Variants in MXRA7 observed in about 807,000 individuals in gnomAD.
MXRA7 encodes the protein matrix remodeling associated 7, also known as matrix-remodeling-associated protein 7.
In MXRA7, 18 loss-of-function variants were observed where a neutral mutation model predicts 17.4. The observed-to-expected ratio is 1.03, with a 90% CI of 0.71 to 1.53. MXRA7 has a LOEUF of 1.53. Among genes scored for constraint, MXRA7 ranks in the 40% most tolerant of loss-of-function variants. The probability of loss-of-function intolerance (pLI) is 0.00; values close to 1 mark genes in which losing one functional copy is unlikely to be tolerated. For synonymous variants in MXRA7, 70 were observed against 101.7 expected, an observed-to-expected ratio of 0.69 and a Z score of 1.87; for missense variants, 141 against 209.3, an observed-to-expected ratio of 0.67 and a Z score of 2.01.
chr17:76,703,076 C>T (rs899657594), intron 1 of MXRA7, among the ~76,000 whole-genome samples: 4 of 151,544 alleles, frequency 2.6e-5, no homozygotes, highest in Admixed American at 1.3e-4. Context: ...TGCACCACTG[C>T]ACTGCAGCTT....
At chr17:76,707,814 G>C (rs913897835) in intron 1 of MXRA7, among the ~76,000 whole-genome samples, 2 of 152,164 alleles carry the variant, frequency 1.3e-5, no homozygotes, top group African/African-American at 2.4e-5. Flanking sequence ...CTACACAGGA[G>C]CACCAAGAAA....
chr17:76,683,075 T>A (rs1030129712), intron 3 of MXRA7, among the ~76,000 whole-genome samples: 1 of 152,136 alleles, frequency 6.6e-6, no homozygotes, highest in Non-Finnish European at 1.5e-5. Context: ...GGAGGCCTGG[T>A]CTTTCTTGTT....
At position 76,692,259 on chromosome 17, in the gene MXRA7, C is replaced by CTT. The variant is rs569237354; in HGVS notation, c.343-4085_343-4084dup. Reference sequence around the variant, plus strand: ...CTTGACTTTGGAAGTCTGATTTTTTCTTTTTTTTTTTTTGAGACAGTTTCA... The same window carrying CTT: ...CTTGACTTTGGAAGTCTGATTTTTTCTTTTTTTTTTTTTTTGAGACAGTTTCA... On this transcript the variant is annotated intron_variant, in intron 1 of 3. Coordinates refer to ENST00000449428, the MANE Select transcript of MXRA7 (RefSeq NM_198530.4). Among the ~76,000 whole-genome samples the CTT allele has an allele frequency of 4.2e-3, 600 of 141,276 alleles. 5 individuals carry two copies. The highest frequency in any genetic ancestry group is 0.015 in the African/African-American group (578 of 38,822). The allele number at this position is 141,276 out of a possible 152,430, so 92.7% of individuals were successfully genotyped here.
chr17:76,707,598 C>G (rs1337681062), intron 1 of MXRA7, among the ~76,000 whole-genome samples: 1 of 152,160 alleles, frequency 6.6e-6, no homozygotes, highest in Non-Finnish European at 1.5e-5. Flanking sequence ...GCCATCGCGC[C>G]CGGGCTCTAG....
Position 76,685,137 on chromosome 17 carries a change from G to A in MXRA7, c.435C>T (p.Pro145=), listed in dbSNP as rs750445733. The change falls in exon 3 of 4, where the codon CCC becomes CCT. Residue 145 remains proline (P), a synonymous_variant. Transcript: ENST00000449428. ...DGEGFSFKYS[P]GKLRGNQYKK... ...TGTACTGGTTTCCCCTCAGCTTCCC[G>A]GGGCTGTATTTGAAGGAGAAGCCTT... 2.2e-5 allele frequency: 35 copies of A among 1,613,830 alleles called. No individual in the cohort carries two copies. The Middle Eastern group carries it at 6.6e-4, about 30-fold the overall frequency.
chr17:76,708,629 T>C (rs896176876), intron 1 of MXRA7, among the ~76,000 whole-genome samples: 6 of 152,160 alleles, frequency 3.9e-5, no homozygotes, highest in Non-Finnish European at 8.8e-5. Context: ...TCGAAGCTCA[T>C]CAAGACAATT....
At chr17:76,687,325 AT>A (rs1206677668) in intron 2 of MXRA7, among the ~76,000 whole-genome samples, 1 of 152,204 alleles carries the variant, frequency 6.6e-6, no homozygotes, top group East Asian at 1.9e-4. Flanking sequence ...TGGTTCCTAC[AT>A]TCCTGAAACC....
Position 76,710,631 on chromosome 17 carries a change from C to A in MXRA7, c.316G>T (p.Glu106Ter). 1 of 1,384,916 alleles carries A rather than the reference C, an allele frequency of 7.2e-7. No homozygotes were observed. Among genetic ancestry groups the A allele is most frequent in the South Asian group, 1.5e-5 (1 of 66,234 alleles). The allele number at this position is 1,384,916 out of a possible 1,614,324, so 85.8% of individuals were successfully genotyped here. A position where few individuals can be genotyped will look rare whatever the true frequency, so the allele number is the denominator to read the frequency against. The stretch of plus-strand genomic sequence containing the variant: ...TGCCTCGCCTCCACCGCCTGCTCCT[C>A]CGCCTCCGCTGGCGCCGCCGCGGGA... ...GDPAAAPAEA[E>*]EQAVEARQEE... Residue 106 changes from glutamate to a stop codon, truncating the protein, a stop_gained, in exon 1 of 4, where the codon GAG (glutamate) becomes TAG (stop). Transcript: ENST00000449428. LOFTEE classifies it high-confidence loss of function.
downstream of MXRA7, chr17:76,677,803 T>G (rs2076253447): frequency 5.3e-6 from 4 of 760,800 alleles, no homozygotes; most frequent in Admixed American, 2.1e-5. Flanking sequence ...TCCTCTCTCT[T>G]GTGTGACTGC....
At chr17:76,689,277 G>C (rs993178339) in intron 1 of MXRA7, 7 of 152,312 alleles carry the variant, frequency 4.6e-5, no homozygotes, top group African/African-American at 1.7e-4. Flanking sequence ...GTTTTCAGTA[G>C]AGATGGCATG....
At chr17:76,692,258 TC>T (rs1465922397) in intron 1 of MXRA7, among the ~76,000 whole-genome samples, 2 of 150,898 alleles carry the variant, frequency 1.3e-5, no homozygotes, top group African/African-American at 4.9e-5. Context: ...TCTGATTTTT[TC>T]TTTTTTTTTT....
At chr17:76,695,463 C>G (rs1271397582) in intron 1 of MXRA7, among the ~76,000 whole-genome samples, 1 of 152,004 alleles carries the variant, frequency 6.6e-6, no homozygotes, top group African/African-American at 2.4e-5. Flanking sequence ...AGAGAGCTGG[C>G]ACTAAGGATT....
intron 3 of MXRA7, 119 bp from the exon 4 acceptor site, chr17:76,680,998 C>T (rs1324301472): frequency 1.6e-5 from 13 of 832,694 alleles, no homozygotes; most frequent in East Asian, 8.1e-5. Context: ...GCAGAAGCTG[C>T]GCTAGACTCT....
chr17:76,690,731 A>G (rs1050403812), intron 1 of MXRA7, among the ~76,000 whole-genome samples: 1 of 152,124 alleles, frequency 6.6e-6, no homozygotes, highest in African/African-American at 2.4e-5. Flanking sequence ...TTTTTGAGAC[A>G]GGATCTTGCT....
chr17:76,710,597 G>A lies in MXRA7; in HGVS notation c.342+8C>T. ...TGGGGAGGGGGCCGCGAGGGCCCCG[G>A]TGCGTACCTGCCTCGCCTCCACCGC... On this transcript the variant is annotated splice_region_variant and intron_variant, in intron 1 of 3. Transcript: ENST00000449428. 1 of 1,363,942 alleles carries A rather than the reference G, an allele frequency of 7.3e-7. No homozygotes were observed. The highest frequency in any genetic ancestry group is 1.6e-5 in the South Asian group (1 of 62,528). The allele number at this position is 1,363,942 out of a possible 1,614,324, so 84.5% of individuals were successfully genotyped here.
At chr17:76,701,967 CAA>C (rs1453158205) in intron 1 of MXRA7, among the ~76,000 whole-genome samples, 1 of 152,080 alleles carries the variant, frequency 6.6e-6, no homozygotes, top group Non-Finnish European at 1.5e-5. Flanking sequence ...ATTTAAAAAA[CAA>C]AAAAGGAAAA....
In MXRA7 at chr17:76,685,153, G is replaced by C; in HGVS notation, c.419C>G (p.Ser140Cys). Reference protein sequence around the residue: ...GPEEEDGEGFSFKYSPGKLRG... With the variant: ...GPEEEDGEGFCFKYSPGKLRG... ...CAGCTTCCCGGGGCTGTATTTGAAG[G>C]AGAAGCCTTCTCCTGTGGAGGGGGG... Residue 140 changes from serine (S) to cysteine (C), a missense_variant, in exon 3 of 4, where the codon TCC becomes TGC. Ser to Cys is a moderately radical substitution (Grantham distance 112). Transcript: ENST00000449428. The C allele has an allele frequency of 6.2e-7, 1 of 1,613,882 alleles. No homozygotes were observed. The highest frequency in any genetic ancestry group is 1.7e-4 in the Middle Eastern group (1 of 6,058).
intron 2 of MXRA7, 50 bp downstream of exon 2, chr17:76,688,063 C>T: frequency 6.3e-7 from 1 of 1,589,218 alleles, no homozygotes; most frequent in Non-Finnish European, 8.6e-7. Context: ...AGGACACAGA[C>T]CACCCCCGAC....
intron 1 of MXRA7, among the ~76,000 whole-genome samples, chr17:76,691,136 T>G (rs2076475094): frequency 6.6e-6 from 1 of 152,110 alleles, no homozygotes; most frequent in African/African-American, 2.4e-5. Context: ...GGAGAGGAGC[T>G]GGAGATTGAG....
Sources: allele counts gnomAD v4.1 joint callset (sites outside exome capture counted in the v4.1 genomes callset), GRCh38; gene constraint gnomAD v4.1.1; transcripts MANE v1.5; gene names NCBI Gene and HGNC (gene_info 2026-07-23, HGNC 2026-07-21).